The following FAF1 variants were observed in gnomAD, a reference collection of about 807,000 sequenced individuals.
The protein encoded by FAF1 is Fas associated factor 1.
A neutral mutation model predicts 92.5 loss-of-function variants in FAF1; 25 were observed. The observed-to-expected ratio is 0.27, with a 90% confidence interval of 0.20 to 0.38. The LOEUF (loss-of-function observed/expected upper bound fraction) is 0.38, where lower values mean the gene tolerates loss of function less well. Among genes scored for constraint, FAF1 ranks in the 10% least tolerant of loss-of-function variants. The pLI is 1.00. For missense variants in FAF1, 636 were observed against 793.3 expected (o/e 0.80, Z 2.38); for synonymous variants, 234 against 273.2 (o/e 0.86, Z 1.42).
rs1661989712 is a variant in FAF1 at position 50,801,553 on chromosome 1, TA to T, written c.161+77del. On this transcript the variant is annotated intron_variant, in intron 3 of 18. Coordinates refer to ENST00000396153, the MANE Select transcript of FAF1 (RefSeq NM_007051.3). ...CCCAAATCAATGCTCTATTAAAAAA[TA>T]AAACAAAAAAATTAACAGCTAGCTC... The T allele has an allele frequency of 7.5e-6, 6 of 795,660 alleles. No homozygotes were observed. In the South Asian group the frequency reaches 9.7e-5, roughly 13 times the overall value. The allele number at this position is 795,660 out of a possible 1,614,324, so 49.3% of individuals were successfully genotyped here. A position where few individuals can be genotyped will look rare whatever the true frequency, so the allele number is the denominator to read the frequency against.
intron 1 of FAF1, among the ~76,000 whole-genome samples, chr1:50,935,309 T>C (rs1645077381): frequency 6.6e-6 from 1 of 152,180 alleles, no homozygotes; most frequent in African/African-American, 2.4e-5. Flanking sequence ...TCACCATGAA[T>C]TCATTATGAA....
chr1:50,558,087 C>T (rs1649679485), intron 13 of FAF1, among the ~76,000 whole-genome samples: 1 of 151,832 alleles, frequency 6.6e-6, no homozygotes, highest in Non-Finnish European at 1.5e-5. Context: ...TTAGTACAGA[C>T]AGGGTTTCAC....
In FAF1 at chr1:50,767,752, G is replaced by A. The variant is rs998273284; in HGVS notation, c.367+20248C>T. Among the ~76,000 whole-genome samples the A allele has an allele frequency of 2.0e-5, 3 of 152,106 alleles. No homozygotes were observed. In the South Asian group the frequency reaches 6.2e-4, roughly 32 times the overall value. ...ATCCTTTTCAGATGAGCAAATGCTAGGAATTTGTCACCACGAGACCTGCCT... is the reference window on the plus strand; with the variant it reads ...ATCCTTTTCAGATGAGCAAATGCTAAGAATTTGTCACCACGAGACCTGCCT... On this transcript the variant is annotated intron_variant, in intron 4 of 18. Transcript: ENST00000396153.
In FAF1 at chr1:50,674,167, G is replaced by A. The variant is rs535581647; in HGVS notation, c.658-18639C>T. ...GGGGTTTCACCATGTTGGTCAGGTT[G>A]GTCTCGAACTCCTGACCTCCTGATC... On this transcript the variant is annotated intron_variant, in intron 7 of 18. Coordinates refer to ENST00000396153, the MANE Select transcript of FAF1 (RefSeq NM_007051.3). Among the ~76,000 whole-genome samples the A allele has an allele frequency of 1.1e-4, 17 of 152,138 alleles. No homozygotes were observed. In the East Asian group the frequency reaches 3.1e-3, roughly 28 times the overall value.
At chr1:50,580,171 T>C (rs1168902261) in intron 12 of FAF1, among the ~76,000 whole-genome samples, 2 of 152,032 alleles carry the variant, frequency 1.3e-5, no homozygotes, top group Non-Finnish European at 2.9e-5. Flanking sequence ...TTATTTGAAG[T>C]TTTAATTATT....
intron 17 of FAF1, among the ~76,000 whole-genome samples, chr1:50,484,698 C>T (rs1646742652): frequency 6.6e-6 from 1 of 151,972 alleles, no homozygotes; most frequent in African/African-American, 2.4e-5. Context: ...GCAGTTTTAC[C>T]TTAATAACCA....
chr1:50,712,371 G>A (rs1477967273), intron 6 of FAF1, among the ~76,000 whole-genome samples: 1 of 151,924 alleles, frequency 6.6e-6, no homozygotes, highest in Non-Finnish European at 1.5e-5. Flanking sequence ...AATACGCTAT[G>A]TTTGCTGGGC....
At chr1:50,474,559 G>A (rs563608078) in intron 18 of FAF1, among the ~76,000 whole-genome samples, 5 of 152,258 alleles carry the variant, frequency 3.3e-5, no homozygotes, top group African/African-American at 9.6e-5. Context: ...GGACCATTAA[G>A]TTAATCTCTG....
At chr1:50,670,432 A>G (rs531548598) in intron 7 of FAF1, among the ~76,000 whole-genome samples, 25 of 152,160 alleles carry the variant, frequency 1.6e-4, no homozygotes, top group African/African-American at 4.8e-4. Flanking sequence ...TAGTGACCCT[A>G]TTGGACAATA....
intron 8 of FAF1, among the ~76,000 whole-genome samples, chr1:50,618,414 GTTTTTTTTT>G (rs540421778): frequency 3.6e-5 from 4 of 111,886 alleles, no homozygotes; most frequent in Non-Finnish European, 7.1e-5. Context: ...AGTTTTTAGA[GTTTTTTTTT>G]TTTTTTTTTT....
At chr1:50,886,686 T>C (rs1644668735) in intron 1 of FAF1, among the ~76,000 whole-genome samples, 1 of 152,206 alleles carries the variant, frequency 6.6e-6, no homozygotes, top group Non-Finnish European at 1.5e-5. Flanking sequence ...GCTTCATCCA[T>C]GTCCCTACAA....
intron 18 of FAF1, among the ~76,000 whole-genome samples, chr1:50,467,416 T>C (rs986259386): frequency 1.3e-5 from 2 of 151,966 alleles, no homozygotes; most frequent in Non-Finnish European, 2.9e-5. Context: ...TGGGTTCAAG[T>C]GATTCTCCTG....
chr1:50,781,310 A>T (rs1478182982), intron 4 of FAF1, among the ~76,000 whole-genome samples: 1 of 152,224 alleles, frequency 6.6e-6, no homozygotes, highest in Non-Finnish European at 1.5e-5. Flanking sequence ...AAAAGAAAAA[A>T]AAAAAGATAC....
At chr1:50,817,317 A>G (rs919446148) in intron 2 of FAF1, among the ~76,000 whole-genome samples, 2 of 152,230 alleles carry the variant, frequency 1.3e-5, no homozygotes, top group African/African-American at 4.8e-5. Flanking sequence ...TTAAAAAGGA[A>G]GGAAATTCTG....
intron 13 of FAF1, among the ~76,000 whole-genome samples, chr1:50,541,997 A>G (rs1024713974): frequency 1.3e-5 from 2 of 152,204 alleles, no homozygotes; most frequent in African/African-American, 2.4e-5. Context: ...CGCAAAGCAC[A>G]CAGCCATTCA....
At chr1:50,745,332 A>G (rs554545440) in intron 4 of FAF1, among the ~76,000 whole-genome samples, 10 of 152,232 alleles carry the variant, frequency 6.6e-5, no homozygotes, top group African/African-American at 2.2e-4. Flanking sequence ...TAATAAAGCT[A>G]ATATATAGAT....
chr1:50,878,150 G>A lies in FAF1; in HGVS notation c.46-20153C>T, dbSNP rs571860342. 1.3e-4 allele frequency among the ~76,000 whole-genome samples: 20 copies of A among 152,260 alleles called. No individual in the cohort carries two copies. The South Asian group carries it at 3.7e-3, about 28-fold the overall frequency. On this transcript the variant is annotated intron_variant, in intron 1 of 18. Coordinates refer to ENST00000396153, the MANE Select transcript of FAF1 (RefSeq NM_007051.3). ...ACAAAAGACCACCCAGTCTGTGTAT[G>A]CCCCAAACTGCAATTCTTGCTTCCC...
chr1:50,623,033 C>T (rs939449881), intron 8 of FAF1, among the ~76,000 whole-genome samples: 2 of 152,168 alleles, frequency 1.3e-5, no homozygotes, highest in Admixed American at 1.3e-4. Context: ...CTAATATCAT[C>T]TTCTCCTACA....
At chr1:50,503,890 GAGACAGCAA>G (rs1363072359) in intron 15 of FAF1, among the ~76,000 whole-genome samples, 3 of 152,156 alleles carry the variant, frequency 2.0e-5, no homozygotes, top group African/African-American at 7.2e-5. Context: ...TTGACAGACA[GAGACAGCAA>G]AGAGGGATGA....
Sources: allele counts gnomAD v4.1 joint callset (sites outside exome capture counted in the v4.1 genomes callset), GRCh38; gene constraint gnomAD v4.1.1; transcripts MANE v1.5; gene names NCBI Gene and HGNC (gene_info 2026-07-23, HGNC 2026-07-21).